The following LOXL4 variants were observed in gnomAD, a reference collection of about 807,000 sequenced individuals.
LOXL4 encodes the protein lysyl oxidase like 4, also known as lysyl oxidase homolog 4.
In LOXL4, 72 loss-of-function variants were observed where a neutral mutation model predicts 89.1. The ratio of observed to expected loss-of-function variants is 0.81; its 90% CI spans 0.67 to 0.98. LOXL4 has a LOEUF of 0.98. LOXL4 is among the 50% of genes least tolerant of loss of function. LOXL4 has a pLI of 0.00. For missense variants in LOXL4, 984 were observed against 1,017.5 expected, an observed-to-expected ratio of 0.97 and a Z score of 0.45; for synonymous variants, 355 against 392.1, an observed-to-expected ratio of 0.91 and a Z score of 1.12.
intron 2 of LOXL4, 109 bp downstream of exon 2, chr10:98,262,634 G>A (rs1858577300): frequency 7.5e-7 from 1 of 1,333,280 alleles, no homozygotes. Context: ...GCCGTGTGGA[G>A]GAGGTCACAT....
intron 14 of LOXL4, 30 bp from the exon 15 acceptor site, chr10:98,249,021 C>A: frequency 6.4e-7 from 1 of 1,574,154 alleles, no homozygotes; most frequent in Middle Eastern, 1.7e-4. Context: ...AGGTAAGTAG[C>A]CAACCTTTCC....
chr10:98,261,956 T>C, intron 3 of LOXL4, 79 bp downstream of exon 3: 1 of 1,423,522 alleles, frequency 7.0e-7, no homozygotes, highest in Non-Finnish European at 9.3e-7. Flanking sequence ...TCGCTTATCC[T>C]CTAGGCCCGT....
chr10:98,251,603 T>A lies in LOXL4; in HGVS notation c.2051A>T (p.Asp684Val), dbSNP rs750011908. 6 of 1,614,246 alleles carry A rather than the reference T, an allele frequency of 3.7e-6. No individual in the cohort carries two copies. Among genetic ancestry groups the A allele is most frequent in the Non-Finnish European group, 5.1e-6 (6 of 1,180,048 alleles). The change falls in exon 13 of 15, where the codon GAT becomes GTT. Residue 684 changes from aspartate (D) to valine (V), a missense_variant. Transcript: ENST00000260702. Reference sequence around the variant, plus strand: ...ATTCCCGGGGCCCACATCTGTGATATCCACCCACTGGCAATCAATGTCATG... The same window carrying A: ...ATTCCCGGGGCCCACATCTGTGATAACCACCCACTGGCAATCAATGTCATG... ...YRHDIDCQWV[D>V]ITDVGPGNYI...
At position 98,258,144 on chromosome 10, in the gene LOXL4, G is replaced by A. The variant is rs763608608; in HGVS notation, c.942C>T (p.Arg314=). 6.2e-7 allele frequency: 1 copy of A among 1,612,472 alleles called. No homozygotes were observed. Among genetic ancestry groups the A allele is most frequent in the Non-Finnish European group, 8.5e-7 (1 of 1,179,518 alleles). The change falls in exon 7 of 15, where the codon CGC becomes CGT. Residue 314 remains arginine (R), a synonymous_variant. Coordinates refer to ENST00000260702, the MANE Select transcript of LOXL4 (RefSeq NM_032211.7). ...SWAEEPRVRL[R]SGAQVGEGRV... ...GGCCCTCGCCCACCTGGGCCCCGGA[G>A]CGCAGGCGCACCCTCGGCTCCTGCT...
At position 98,248,980 on chromosome 10, in the gene LOXL4, G is replaced by A. The variant is rs1005869268; in HGVS notation, c.2212C>T (p.Pro738Ser). ...LHNCHTGNSY[P>S]ANAELSLEQE... ...TCCAGGGAGAGTTCTGCATTGGCTG[G>A]GTATGAATTCCCTGTGGGCCAAAGG... Residue 738 changes from proline to serine, a missense_variant, in exon 15 of 15, where the codon CCA (proline) becomes TCA (serine). Pro to Ser is a moderately conservative substitution (Grantham distance 74). Coordinates refer to ENST00000260702, the MANE Select transcript of LOXL4 (RefSeq NM_032211.7). 4 of 1,613,728 alleles carry A rather than the reference G, an allele frequency of 2.5e-6. No homozygotes were observed. The highest frequency in any genetic ancestry group is 2.7e-5 in the African/African-American group (2 of 74,910).
intron 9 of LOXL4, 97 bp from the exon 10 acceptor site, chr10:98,255,836 G>C: frequency 6.9e-7 from 1 of 1,441,272 alleles, no homozygotes; most frequent in Non-Finnish European, 9.4e-7. Context: ...CCCCCACCGG[G>C]TTGTGTCCAG....
chr10:98,255,554 C>T, intron 10 of LOXL4, 23 bp downstream of exon 10: 2 of 1,587,780 alleles, frequency 1.3e-6, no homozygotes, highest in Non-Finnish European at 8.6e-7. Flanking sequence ...TGTCCCCAGC[C>T]CTGTGAGCCC....
rs1429379576 is a variant in LOXL4 at position 98,248,831 on chromosome 10, C to T, written c.*90G>A. On this transcript the variant is annotated 3_prime_UTR_variant, in exon 15 of 15. Coordinates refer to ENST00000260702, the MANE Select transcript of LOXL4 (RefSeq NM_032211.7). ...GGTGCCCCTTGGCACTGGCCCTTTT[C>T]CTCTGAGTTGGGACTCTGTGAAGGG... 8.1e-7 allele frequency: 1 copy of T among 1,240,250 alleles called. No individual in the cohort carries two copies. The highest frequency in any genetic ancestry group is 1.2e-6 in the Non-Finnish European group (1 of 866,500). 76.8% of individuals were successfully genotyped at this position (1,240,250 alleles called of 1,614,324 possible). A position where few individuals can be genotyped will look rare whatever the true frequency, so the allele number is the denominator to read the frequency against.
At position 98,262,208 on chromosome 10, in the gene LOXL4, T is replaced by A; in HGVS notation, c.283A>T (p.Ile95Phe). Residue 95 changes from isoleucine to phenylalanine, a missense_variant, in exon 3 of 15, where the codon ATC (isoleucine) becomes TTC (phenylalanine). Ile to Phe is a conservative substitution (Grantham distance 21, BLOSUM62 0). Transcript: ENST00000260702. ...ACACAGCGCACATTGTCCAGCCAGA[T>A]GGGTCCTGTGGAGTGGAGGTGATGC... Reference protein sequence around the residue: ...SAKYGQGEGPIWLDNVRCVGT... With the variant: ...SAKYGQGEGPFWLDNVRCVGT... The A allele has an allele frequency of 6.2e-7, 1 of 1,613,346 alleles. No individual in the cohort carries two copies. The highest frequency in any genetic ancestry group is 8.5e-7 in the Non-Finnish European group (1 of 1,179,938).
chr10:98,253,882 C>CG, intron 10 of LOXL4, 86 bp from the exon 11 acceptor site: 1 of 1,554,730 alleles, frequency 6.4e-7, no homozygotes, highest in Non-Finnish European at 8.7e-7. Flanking sequence ...AGCTTGCCCC[C>CG]AGATTAAACC....
chr10:98,262,100 T>G lies in LOXL4; in HGVS notation c.391A>C (p.Ile131Leu). Reference sequence around the variant, plus strand: ...CCACGATGGCGCCGGGGGTGGCATATCACCCCTACGTCTTCTGAGTGACTG... The same window carrying G: ...CCACGATGGCGCCGGGGGTGGCATAGCACCCCTACGTCTTCTGAGTGACTG... ...DCSHSEDVGV[I>L]CHPRRHRGYL... The change falls in exon 3 of 15, where the codon ATA becomes CTA. Residue 131 changes from isoleucine to leucine, a missense_variant. By Grantham distance (5) the Ile-to-Leu change is conservative. Coordinates refer to ENST00000260702, the MANE Select transcript of LOXL4 (RefSeq NM_032211.7). 1 of 1,612,542 alleles carries G rather than the reference T, an allele frequency of 6.2e-7. No individual in the cohort carries two copies. The highest frequency in any genetic ancestry group is 8.5e-7 in the Non-Finnish European group (1 of 1,179,610).
At position 98,262,181 on chromosome 10, in the gene LOXL4, C is replaced by A. The variant is rs1478117671; in HGVS notation, c.310G>T (p.Gly104Cys). The change falls in exon 3 of 15, where the codon GGC (glycine) becomes TGC (cysteine). Residue 104 changes from glycine (G) to cysteine (C), a missense_variant. By Grantham distance (159) the Gly-to-Cys change is radical. Coordinates refer to ENST00000260702, the MANE Select transcript of LOXL4 (RefSeq NM_032211.7). ...CACTGGTCCAAGGAGCTCTCTGTGC[C>A]CACACAGCGCACATTGTCCAGCCAG... Reference protein sequence around the residue: ...PIWLDNVRCVGTESSLDQCGS... With the variant: ...PIWLDNVRCVCTESSLDQCGS... 6.2e-7 allele frequency: 1 copy of A among 1,613,566 alleles called. No homozygotes were observed. Among genetic ancestry groups the A allele is most frequent in the East Asian group, 2.2e-5 (1 of 44,882 alleles).
chr10:98,255,194 T>C (rs750285392), intron 10 of LOXL4, among the ~76,000 whole-genome samples: 1 of 152,186 alleles, frequency 6.6e-6, no homozygotes, highest in Non-Finnish European at 1.5e-5. Flanking sequence ...CAAACTGCTT[T>C]TCTGACTACA....
intron 1 of LOXL4, among the ~76,000 whole-genome samples, chr10:98,266,298 C>T (rs1858687101): frequency 6.6e-6 from 1 of 152,184 alleles, no homozygotes; most frequent in Admixed American, 6.5e-5. Flanking sequence ...TGTCTGGAGT[C>T]AAATATTTTC....
At chr10:98,252,072 C>G in intron 12 of LOXL4, 1 of 489,784 alleles carries the variant, frequency 2.0e-6, no homozygotes, top group Non-Finnish European at 3.7e-6. Context: ...TGCTTGCCCT[C>G]GGAGAGCTCA....
chr10:98,251,469 C>T, intron 13 of LOXL4, 97 bp downstream of exon 13: 1 of 1,531,154 alleles, frequency 6.5e-7, no homozygotes, highest in Non-Finnish European at 8.9e-7. Context: ...TGTCGGAAAC[C>T]CTGTATGGGA....
chr10:98,252,388 G>C lies in LOXL4; in HGVS notation c.1916C>G (p.Ala639Gly). 1 of 1,614,090 alleles carries C rather than the reference G, an allele frequency of 6.2e-7. No individual in the cohort carries two copies. Among genetic ancestry groups the C allele is most frequent in the Non-Finnish European group, 8.5e-7 (1 of 1,179,974 alleles). ...NGSKVAEGHK[A>G]SFCLEDTNCP... The stretch of plus-strand genomic sequence containing the variant: ...GTTTGTGTCCTCCAGACAGAAGCTG[G>C]CCTTGTGCCCCTCAGCCACCTTGGA... The change falls in exon 12 of 15, where the codon GCC becomes GGC. Residue 639 changes from alanine to glycine, a missense_variant. By Grantham distance (60) the Ala-to-Gly change is moderately conservative. Transcript: ENST00000260702.
In LOXL4 at chr10:98,258,026, A is replaced by G; in HGVS notation, c.1060T>C (p.Phe354Leu). 6.2e-7 allele frequency: 1 copy of G among 1,613,918 alleles called. No individual in the cohort carries two copies. The highest frequency in any genetic ancestry group is 8.5e-7 in the Non-Finnish European group (1 of 1,180,028). The change falls in exon 7 of 15, where the codon TTT becomes CTT. Residue 354 changes from phenylalanine to leucine, a missense_variant. Transcript: ENST00000260702. ...SASVVCRQLG[F>L]GSAREALFGA... is the part of the protein sequence containing the mutation. ...AAGAGGGCCTCCCGAGCAGAGCCAA[A>G]GCCCAGCTGACGACACACGACACTG...
At chr10:98,265,170 C>T (rs903165644) in intron 1 of LOXL4, among the ~76,000 whole-genome samples, 9 of 152,114 alleles carry the variant, frequency 5.9e-5, no homozygotes, top group South Asian at 2.1e-4. Context: ...ACAGGCTGGG[C>T]GGTCAGACTG....
Sources: allele counts gnomAD v4.1 joint callset (sites outside exome capture counted in the v4.1 genomes callset), GRCh38; gene constraint gnomAD v4.1.1; transcripts MANE v1.5; gene names NCBI Gene and HGNC (gene_info 2026-07-23, HGNC 2026-07-21).